DCC: variants seen among roughly 807,000 people sequenced by gnomAD.
DCC encodes netrin receptor DCC.
DCC carries 58 observed loss-of-function variants against 172.5 expected under a neutral mutation model. The ratio of observed to expected loss-of-function variants is 0.34; its 90% confidence interval spans 0.27 to 0.42. The LOEUF is 0.42. Ranked by LOEUF, DCC falls within the 10% of genes least tolerant of loss-of-function variation. The pLI, the probability that DCC is intolerant of heterozygous loss-of-function variation, is 1.00. For synonymous variants in DCC, 709 were observed against 644.5 expected (o/e 1.10, Z -1.52); for missense variants, 1,740 against 1,791.0 (o/e 0.97, Z 0.51).
intron 1 of DCC, among the ~76,000 whole-genome samples, chr18:52,528,326 G>T (rs756646105): frequency 5.3e-5 from 8 of 152,144 alleles, no homozygotes; most frequent in Non-Finnish European, 1.2e-4. Context: ...AATATAATGT[G>T]CCAGATGCTT....
At chr18:53,503,355 G>A (rs548905394) in intron 27 of DCC, among the ~76,000 whole-genome samples, 125 of 151,898 alleles carry the variant, frequency 8.2e-4, no homozygotes, top group Non-Finnish European at 1.2e-3. Context: ...AAGACTCTAG[G>A]GTATTTATGG....
intron 1 of DCC, among the ~76,000 whole-genome samples, chr18:52,680,810 C>T (rs2035736468): frequency 6.6e-6 from 1 of 152,110 alleles, no homozygotes; most frequent in African/African-American, 2.4e-5. Flanking sequence ...TCTTCTTACA[C>T]TGCCCTTCCC....
At chr18:53,433,161 T>G (rs1469150025) in intron 21 of DCC, among the ~76,000 whole-genome samples, 1 of 152,176 alleles carries the variant, frequency 6.6e-6, no homozygotes, top group Non-Finnish European at 1.5e-5. Flanking sequence ...GAAACATTTC[T>G]AGAGTTCCTT....
intron 1 of DCC, among the ~76,000 whole-genome samples, chr18:52,406,507 C>T (rs148247233): frequency 1.8e-4 from 28 of 152,214 alleles, no homozygotes; most frequent in African/African-American, 6.3e-4. Flanking sequence ...AGTAGGCCTA[C>T]TAAGCCTATG....
At chr18:53,441,442 A>G (rs1290738041) in intron 22 of DCC, among the ~76,000 whole-genome samples, 1 of 152,048 alleles carries the variant, frequency 6.6e-6, no homozygotes. Context: ...AGAGAGATCA[A>G]TGTTCTGGCT....
chr18:53,387,071 G>T (rs1908219376), intron 16 of DCC, among the ~76,000 whole-genome samples: 1 of 152,140 alleles, frequency 6.6e-6, no homozygotes, highest in Non-Finnish European at 1.5e-5. Flanking sequence ...GAAAACAGAG[G>T]ATCTGAGATA....
intron 1 of DCC, among the ~76,000 whole-genome samples, chr18:52,537,801 G>A (rs1598896638): frequency 6.6e-6 from 1 of 152,036 alleles, no homozygotes; most frequent in Non-Finnish European, 1.5e-5. Flanking sequence ...CATGCCACTT[G>A]TCTAAAGCCA....
intron 15 of DCC, among the ~76,000 whole-genome samples, chr18:53,366,418 A>G (rs747526630): frequency 8.5e-5 from 13 of 152,130 alleles, no homozygotes; most frequent in Non-Finnish European, 1.3e-4. Context: ...CATTCAGTGA[A>G]TAAATCATTT....
In DCC at chr18:53,020,209, A is replaced by C. The variant is rs1157798351; in HGVS notation, c.986-43096A>C. Among the ~76,000 whole-genome samples, 6 of 152,280 alleles carry C rather than the reference A, an allele frequency of 3.9e-5. No individual in the cohort carries two copies. In the East Asian group the frequency reaches 7.7e-4, roughly 20 times the overall value. On this transcript the variant is annotated intron_variant, in intron 5 of 28. Coordinates refer to ENST00000442544, the MANE Select transcript of DCC (RefSeq NM_005215.4). ...AATGTGACACTTTCAAATAAAAAAA[A>C]CCCAAATGTTTTAGGGCAATTTATG...
chr18:52,522,040 C>T (rs998197903), intron 1 of DCC, among the ~76,000 whole-genome samples: 1 of 151,964 alleles, frequency 6.6e-6, no homozygotes, highest in African/African-American at 2.4e-5. Flanking sequence ...AATAGAAATG[C>T]CCAAATTTTA....
At chr18:53,248,732 T>C (rs1389402144) in intron 12 of DCC, among the ~76,000 whole-genome samples, 2 of 152,036 alleles carry the variant, frequency 1.3e-5, no homozygotes, top group African/African-American at 4.8e-5. Flanking sequence ...ACCATCCTGA[T>C]ACAAAATCTC....
intron 1 of DCC, among the ~76,000 whole-genome samples, chr18:52,656,842 C>G (rs1310535607): frequency 6.6e-6 from 1 of 152,032 alleles, no homozygotes; most frequent in Non-Finnish European, 1.5e-5. Context: ...GAGTGGCATT[C>G]TAAATACAAA....
intron 1 of DCC, among the ~76,000 whole-genome samples, chr18:52,568,946 A>T: frequency 6.6e-6 from 1 of 152,220 alleles, no homozygotes; most frequent in East Asian, 1.9e-4. Context: ...TGATTTAAAA[A>T]TATATTTGTT....
chr18:53,450,422 T>C (rs1216785038), intron 22 of DCC, 78 bp from the exon 23 acceptor site: 12 of 1,531,142 alleles, frequency 7.8e-6, no homozygotes, highest in Non-Finnish European at 1.1e-5. Context: ...TTAGGAACTT[T>C]GTATATCCCA....
chr18:53,249,171 T>C (rs2056399344), intron 12 of DCC, among the ~76,000 whole-genome samples: 1 of 152,028 alleles, frequency 6.6e-6, no homozygotes, highest in African/African-American at 2.4e-5. Flanking sequence ...TAATGAGCTT[T>C]AGGAATTTAC....
chr18:52,496,563 TG>T (rs2030759593), intron 1 of DCC, among the ~76,000 whole-genome samples: 1 of 152,146 alleles, frequency 6.6e-6, no homozygotes, highest in South Asian at 2.1e-4. Context: ...GTTCACAAGT[TG>T]GGGAGCCTGT....
chr18:52,646,131 A>G (rs900152540), intron 1 of DCC, among the ~76,000 whole-genome samples: 1 of 152,146 alleles, frequency 6.6e-6, no homozygotes, highest in African/African-American at 2.4e-5. Context: ...TGAGTTGCTG[A>G]TCTCTCTGAG....
chr18:52,719,880 G>A (rs1017538288), intron 1 of DCC, among the ~76,000 whole-genome samples: 1 of 152,172 alleles, frequency 6.6e-6, no homozygotes, highest in Non-Finnish European at 1.5e-5. Context: ...GCCCGGCAGG[G>A]CATGGGATAA....
chr18:53,013,665 A>T (rs930848078), intron 5 of DCC, among the ~76,000 whole-genome samples: 2 of 151,830 alleles, frequency 1.3e-5, no homozygotes, highest in Non-Finnish European at 2.9e-5. Context: ...TTGTGTAACA[A>T]ACTTGCACAT....
Sources: gnomAD v4.1 joint callset for allele counts (sites outside exome capture counted in the v4.1 genomes callset) on GRCh38, gnomAD v4.1.1 for gene constraint, MANE v1.5 for transcripts, NCBI Gene and HGNC (gene_info 2026-07-23, HGNC 2026-07-21) for gene names.